The following RALYL variants were observed in gnomAD, a reference collection of about 807,000 sequenced individuals.
RALYL encodes the protein RNA-binding Raly-like protein.
RALYL carries 29 observed loss-of-function variants against 35.1 expected under a neutral mutation model. The ratio of observed to expected loss-of-function variants is 0.83; its 90% CI spans 0.61 to 1.13. The LOEUF (loss-of-function observed/expected upper bound fraction) is 1.13, where lower values mean the gene tolerates loss of function less well. RALYL is among the 50% of genes most tolerant of loss of function. RALYL has a pLI of 0.00. For synonymous variants in RALYL, 120 were observed against 127.6 expected (o/e 0.94, Z 0.40); for missense variants, 359 against 360.4 (o/e 1.00, Z 0.03).
At chr8:84,469,491 T>C (rs2052345701) in intron 1 of RALYL, among the ~76,000 whole-genome samples, 1 of 152,208 alleles carries the variant, frequency 6.6e-6, no homozygotes, top group Non-Finnish European at 1.5e-5. Context: ...GAGGAGGCAG[T>C]CTGCCCGTCC....
intron 1 of RALYL, among the ~76,000 whole-genome samples, chr8:84,527,296 T>A (rs141781415): frequency 6.6e-6 from 1 of 152,204 alleles, no homozygotes; most frequent in Non-Finnish European, 1.5e-5. Flanking sequence ...AGATAGCATG[T>A]TGACATTCAC....
chr8:84,447,566 G>T (rs1427505251), intron 1 of RALYL, among the ~76,000 whole-genome samples: 1 of 151,902 alleles, frequency 6.6e-6, no homozygotes, highest in Non-Finnish European at 1.5e-5. Flanking sequence ...AACAGCAATG[G>T]GTGGCTGTCC....
intron 1 of RALYL, among the ~76,000 whole-genome samples, chr8:84,254,921 T>C (rs928221527): frequency 1.3e-5 from 2 of 151,860 alleles, no homozygotes; most frequent in African/African-American, 4.8e-5. Flanking sequence ...CCATCAGATG[T>C]CGTGAGTGAG....
intron 2 of RALYL, among the ~76,000 whole-genome samples, chr8:84,724,572 C>T (rs1289501968): frequency 6.6e-6 from 1 of 151,752 alleles, no homozygotes; most frequent in African/African-American, 2.4e-5. Flanking sequence ...CCCACAGTCA[C>T]AGGCTTTGAT....
chr8:84,878,736 TAACTC>T (rs756814556), intron 7 of RALYL, among the ~76,000 whole-genome samples: 12 of 114,064 alleles, frequency 1.1e-4, no homozygotes, highest in Admixed American at 1.6e-4. Context: ...CACAAATAAA[TAACTC>T]AATACAATGA....
Position 84,737,187 on chromosome 8 carries a change from A to G in RALYL, c.257-37392A>G, listed in dbSNP as rs1490359351. Among the ~76,000 whole-genome samples, 3 of 152,222 alleles carry G rather than the reference A, an allele frequency of 2.0e-5. No homozygotes were observed. In the East Asian group the frequency reaches 5.8e-4, roughly 29 times the overall value. ...GGTCTAAATCACCACACTTTTATGC[A>G]GAAATATTTTTAAAACTCAATCACT... On this transcript the variant is annotated intron_variant, in intron 2 of 8. Coordinates refer to ENST00000521268, the MANE Select transcript of RALYL (RefSeq NM_173848.7).
rs1587656659 is a variant in RALYL at position 84,478,922 on chromosome 8, T to TAAAAAAAA, written c.-23-50372_-23-50371insAAAAAAAA. Among the ~76,000 whole-genome samples, 124 of 85,124 alleles carry TAAAAAAAA rather than the reference T, an allele frequency of 1.5e-3. 3 individuals are homozygous for TAAAAAAAA. The highest frequency in any genetic ancestry group is 3.8e-3 in the East Asian group (9 of 2,350). The allele number at this position is 85,124 out of a possible 152,430, so 55.8% of individuals were successfully genotyped here. On this transcript the variant is annotated intron_variant, in intron 1 of 8. Transcript: ENST00000521268. ...TAACACCGTGAAACCCCGTCTCTACTAAAAATACAAAACATTAGCCGGGCA... is the reference window on the plus strand; with the variant it reads ...TAACACCGTGAAACCCCGTCTCTACTAAAAAAAAAAAAATACAAAACATTAGCCGGGCA...
At chr8:84,684,170 T>A (rs898340976) in intron 2 of RALYL, among the ~76,000 whole-genome samples, 5 of 152,204 alleles carry the variant, frequency 3.3e-5, no homozygotes, top group Non-Finnish European at 5.9e-5. Context: ...TTCATTGGAA[T>A]CCTAACTTTG....
At chr8:84,229,404 C>A (rs1343920939) in intron 1 of RALYL, among the ~76,000 whole-genome samples, 2 of 152,134 alleles carry the variant, frequency 1.3e-5, no homozygotes, top group Non-Finnish European at 2.9e-5. Context: ...AAAGGATAAG[C>A]AAGTGCTAAT....
At chr8:84,693,478 C>A (rs1838494337) in intron 2 of RALYL, among the ~76,000 whole-genome samples, 1 of 151,954 alleles carries the variant, frequency 6.6e-6, no homozygotes, top group African/African-American at 2.4e-5. Flanking sequence ...TTACCTTCCA[C>A]TGGGTCCCTC....
chr8:84,197,850 C>G (rs954118136), intron 1 of RALYL, among the ~76,000 whole-genome samples: 1 of 151,428 alleles, frequency 6.6e-6, no homozygotes, highest in African/African-American at 2.4e-5. Context: ...TTATTTCACT[C>G]TTTTTTGTTT....
chr8:84,489,558 T>A lies in RALYL; in HGVS notation c.-23-39741T>A, dbSNP rs139787506. Among the ~76,000 whole-genome samples, 229 of 152,146 alleles carry A rather than the reference T, an allele frequency of 1.5e-3. 2 individuals are homozygous for A. Among genetic ancestry groups the A allele is most frequent in the African/African-American group, 4.7e-3 (197 of 41,542 alleles). ...ACCTTCAGGCAATTTGCAGTCCAATTGCAGAAACTGGCAAGCTGAAAAGGA... is the reference window on the plus strand; with the variant it reads ...ACCTTCAGGCAATTTGCAGTCCAATAGCAGAAACTGGCAAGCTGAAAAGGA... On this transcript the variant is annotated intron_variant, in intron 1 of 8. Coordinates refer to ENST00000521268, the MANE Select transcript of RALYL (RefSeq NM_173848.7).
chr8:84,803,062 G>A (rs1377915208), intron 3 of RALYL, among the ~76,000 whole-genome samples: 1 of 152,198 alleles, frequency 6.6e-6, no homozygotes, highest in Non-Finnish European at 1.5e-5. Flanking sequence ...GAGAGGCAAG[G>A]GGGACGATGT....
chr8:84,201,653 C>T (rs984884425), intron 1 of RALYL, among the ~76,000 whole-genome samples: 11 of 151,366 alleles, frequency 7.3e-5, no homozygotes, highest in African/African-American at 2.7e-4. Flanking sequence ...ATCTTGAACT[C>T]CTGAGCATAA....
intron 2 of RALYL, among the ~76,000 whole-genome samples, chr8:84,657,604 A>G (rs1458552620): frequency 6.6e-6 from 1 of 152,204 alleles, no homozygotes; most frequent in African/African-American, 2.4e-5. Flanking sequence ...GATTTCTACA[A>G]GATAAAACTT....
chr8:84,621,587 G>T (rs184681059), intron 2 of RALYL, among the ~76,000 whole-genome samples: 1 of 152,168 alleles, frequency 6.6e-6, no homozygotes, highest in African/African-American at 2.4e-5. Context: ...GCTGTAGACC[G>T]GAGCTGTTCC....
intron 1 of RALYL, among the ~76,000 whole-genome samples, chr8:84,331,477 A>G (rs1333076059): frequency 6.6e-6 from 1 of 152,122 alleles, no homozygotes; most frequent in Admixed American, 6.6e-5. Context: ...TAGACTGCTT[A>G]CAGTCTCTGA....
chr8:84,684,098 C>T (rs1307724057), intron 2 of RALYL, among the ~76,000 whole-genome samples: 1 of 152,136 alleles, frequency 6.6e-6, no homozygotes, highest in African/African-American at 2.4e-5. Flanking sequence ...CCAAATTCAG[C>T]ACTACTCACT....
chr8:84,381,119 A>G lies in RALYL; in HGVS notation c.-23-148180A>G, dbSNP rs75609924. Among the ~76,000 whole-genome samples, 629 of 152,028 alleles carry G rather than the reference A, an allele frequency of 4.1e-3. 6 individuals carry two copies. Among genetic ancestry groups the G allele is most frequent in the African/African-American group, 0.014 (593 of 41,530 alleles). The stretch of plus-strand genomic sequence containing the variant: ...GGGAAACTCTCAGTGACCAGGTAGT[A>G]AAGGGAAATTCTCCAAAGGGAAGAG... On this transcript the variant is annotated intron_variant, in intron 1 of 8. Coordinates refer to ENST00000521268, the MANE Select transcript of RALYL (RefSeq NM_173848.7).
Sources: gnomAD v4.1 joint callset for allele counts (sites outside exome capture counted in the v4.1 genomes callset) on GRCh38, gnomAD v4.1.1 for gene constraint, MANE v1.5 for transcripts, NCBI Gene and HGNC (gene_info 2026-07-23, HGNC 2026-07-21) for gene names.